DIS3L2: variants seen among roughly 807,000 people sequenced by gnomAD.
DIS3L2 encodes DIS3 like 3'-5' exoribonuclease 2.
A neutral mutation model predicts 97.5 loss-of-function variants in DIS3L2; 34 were observed. The observed-to-expected ratio is 0.35, with a 90% confidence interval of 0.27 to 0.46. DIS3L2 has a LOEUF of 0.46. DIS3L2 is among the 20% of genes least tolerant of loss of function. The probability of loss-of-function intolerance (pLI) is 1.00; values close to 1 mark genes in which losing one functional copy is unlikely to be tolerated. For synonymous variants in DIS3L2, 435 were observed against 445.2 expected (o/e 0.98, Z 0.29); for missense variants, 1,038 against 1,146.0 (o/e 0.91, Z 1.36).
intron 11 of DIS3L2, among the ~76,000 whole-genome samples, chr2:232,248,819 T>C (rs1303250084): frequency 6.6e-6 from 1 of 152,242 alleles, no homozygotes; most frequent in Non-Finnish European, 1.5e-5. Context: ...GATTCAACAA[T>C]AACAATAGCT....
At chr2:232,090,777 A>C (rs1199025604) in intron 6 of DIS3L2, among the ~76,000 whole-genome samples, 1 of 152,186 alleles carries the variant, frequency 6.6e-6, no homozygotes, top group Admixed American at 6.5e-5. Context: ...TTTTTGCTTT[A>C]GTATTATGTT....
At chr2:232,234,481 C>T (rs529371113) in intron 10 of DIS3L2, among the ~76,000 whole-genome samples, 3 of 152,228 alleles carry the variant, frequency 2.0e-5, no homozygotes, top group Non-Finnish European at 4.4e-5. Context: ...TCCCAAGTAG[C>T]TGGGACTACA....
At chr2:232,055,172 A>T (rs1239046200) in intron 5 of DIS3L2, among the ~76,000 whole-genome samples, 2 of 152,220 alleles carry the variant, frequency 1.3e-5, no homozygotes, top group Non-Finnish European at 2.9e-5. Flanking sequence ...CCCTCTGATA[A>T]TGGGAATGAA....
chr2:232,336,320 C>G, intron 20 of DIS3L2, 149 bp from the exon 21 acceptor site: 1 of 1,547,580 alleles, frequency 6.5e-7, no homozygotes, highest in Non-Finnish European at 8.7e-7. Flanking sequence ...GGCATTCTTC[C>G]TGGAGGGGGC....
At chr2:232,161,044 A>G (rs1690634820) in intron 8 of DIS3L2, among the ~76,000 whole-genome samples, 1 of 151,962 alleles carries the variant, frequency 6.6e-6, no homozygotes, top group Non-Finnish European at 1.5e-5. Flanking sequence ...AAGCCTCCAG[A>G]GTAGCTGGGA....
At chr2:232,217,942 A>C (rs546822641) in intron 10 of DIS3L2, among the ~76,000 whole-genome samples, 1 of 152,314 alleles carries the variant, frequency 6.6e-6, no homozygotes, top group Non-Finnish European at 1.5e-5. Context: ...TGAATGGAGA[A>C]ACCCAGCAAG....
chr2:232,266,560 C>T (rs1693863043), intron 13 of DIS3L2, among the ~76,000 whole-genome samples: 2 of 152,122 alleles, frequency 1.3e-5, no homozygotes, highest in Non-Finnish European at 2.9e-5. Flanking sequence ...GTCCATGGAC[C>T]CCAGCTTTGG....
In DIS3L2 at chr2:232,336,664, TGCCTGTCCC is replaced by T. The variant is rs1695963894; in HGVS notation, c.*38_*46del. Reference sequence around the variant, plus strand: ...AGCCGCCTGCCCCGCCTGCCCCGCCTGCCTGTCCCGCCACACTGGCTTTAGGACCTGTTG... The same window carrying T: ...AGCCGCCTGCCCCGCCTGCCCCGCCTGCCACACTGGCTTTAGGACCTGTTG... On this transcript the variant is annotated 3_prime_UTR_variant, in exon 21 of 21. Coordinates refer to ENST00000325385, the MANE Select transcript of DIS3L2 (RefSeq NM_152383.5). 2 of 1,550,878 alleles carry T rather than the reference TGCCTGTCCC, an allele frequency of 1.3e-6. No homozygotes were observed. Among genetic ancestry groups the T allele is most frequent in the African/African-American group, 2.7e-5 (2 of 73,264 alleles).
chr2:232,036,078 G>A (rs528019485), intron 5 of DIS3L2, among the ~76,000 whole-genome samples: 1 of 152,134 alleles, frequency 6.6e-6, no homozygotes, highest in Non-Finnish European at 1.5e-5. Flanking sequence ...GTCTTGCTAG[G>A]TTGGGGAAGT....
At chr2:232,068,427 A>G (rs1695911707) in intron 5 of DIS3L2, among the ~76,000 whole-genome samples, 1 of 131,672 alleles carries the variant, frequency 7.6e-6, no homozygotes, top group African/African-American at 2.9e-5. Flanking sequence ...AAAAAAAAAA[A>G]TACAAAAGTT....
intron 13 of DIS3L2, among the ~76,000 whole-genome samples, chr2:232,297,541 G>GT (rs1200226240): frequency 2.0e-5 from 3 of 152,168 alleles, no homozygotes; most frequent in Non-Finnish European, 4.4e-5. Context: ...TTAGAATTCT[G>GT]TAAGAATCAC....
chr2:232,290,856 TA>T (rs1326720891), intron 13 of DIS3L2, among the ~76,000 whole-genome samples: 1 of 152,006 alleles, frequency 6.6e-6, no homozygotes, highest in Non-Finnish European at 1.5e-5. Flanking sequence ...CCATGCTGAA[TA>T]GGGTTTAGTT....
rs188798565 is a variant in DIS3L2 at position 232,201,200 on chromosome 2, C to T, written c.1125-9126C>T. Among the ~76,000 whole-genome samples, 5 of 152,286 alleles carry T rather than the reference C, an allele frequency of 3.3e-5. No individual in the cohort carries two copies. In the East Asian group the frequency reaches 9.6e-4, roughly 29 times the overall value. ...CAGTTCTAGCTATTAGCACCTTAAC[C>T]AAGTAATCCAACCTGGCAGCCTAAC... is the stretch of plus-strand genomic sequence containing the variant. On this transcript the variant is annotated intron_variant, in intron 9 of 20. Transcript: ENST00000325385.
chr2:232,208,127 AT>A (rs1692081723), intron 9 of DIS3L2, among the ~76,000 whole-genome samples: 1 of 152,218 alleles, frequency 6.6e-6, no homozygotes, highest in African/African-American at 2.4e-5. Context: ...TGTATGTAAA[AT>A]TCTGTGAATT....
intron 8 of DIS3L2, among the ~76,000 whole-genome samples, chr2:232,141,041 C>T (rs1698496483): frequency 6.6e-6 from 1 of 152,150 alleles, no homozygotes. Flanking sequence ...AATTAAAAAG[C>T]CACATTGGTT....
intron 5 of DIS3L2, among the ~76,000 whole-genome samples, chr2:232,054,433 C>G: frequency 6.6e-6 from 1 of 152,268 alleles, no homozygotes; most frequent in South Asian, 2.1e-4. Context: ...ACTATTTTAA[C>G]AAATGCAAAA....
intron 16 of DIS3L2, among the ~76,000 whole-genome samples, chr2:232,332,585 C>G (rs568551785): frequency 6.6e-6 from 1 of 151,864 alleles, no homozygotes; most frequent in South Asian, 2.1e-4. Context: ...GGGCTGTGGC[C>G]CCAGCTGGGA....
At chr2:232,327,989 G>A (rs908605339) in intron 14 of DIS3L2, among the ~76,000 whole-genome samples, 9 of 152,378 alleles carry the variant, frequency 5.9e-5, no homozygotes, top group African/African-American at 2.2e-4. Flanking sequence ...CGGCAAGAAA[G>A]TTGTGGAGCT....
chr2:232,253,292 A>G (rs930030600), intron 12 of DIS3L2, among the ~76,000 whole-genome samples: 14 of 152,176 alleles, frequency 9.2e-5, no homozygotes, highest in African/African-American at 3.1e-4. Context: ...CAGCCACTTT[A>G]CCCACGAGGG....
Sources: allele counts gnomAD v4.1 joint callset (sites outside exome capture counted in the v4.1 genomes callset), GRCh38; gene constraint gnomAD v4.1.1; transcripts MANE v1.5; gene names NCBI Gene and HGNC (gene_info 2026-07-23, HGNC 2026-07-21).